Variants in COL12A1 observed in about 807,000 individuals in gnomAD.
COL12A1 encodes collagen alpha-1(XII) chain.
A neutral mutation model predicts 349.7 loss-of-function variants in COL12A1; 114 were observed. The observed-to-expected ratio is 0.33, with a 90% CI of 0.28 to 0.38. COL12A1 has a LOEUF of 0.38. Ranked by LOEUF, COL12A1 falls within the 10% of genes least tolerant of loss-of-function variation. The probability of loss-of-function intolerance (pLI) is 1.00; values close to 1 mark genes in which losing one functional copy is unlikely to be tolerated. For synonymous variants in COL12A1, 1,369 were observed against 1,329.0 expected (o/e 1.03, Z -0.66); for missense variants, 3,284 against 3,756.9 (o/e 0.87, Z 3.29).
chr6:75,192,306 T>C lies in COL12A1; in HGVS notation c.240A>G (p.Leu80=). 1.2e-6 allele frequency: 2 copies of C among 1,612,018 alleles called. No homozygotes were observed. Among genetic ancestry groups the C allele is most frequent in the African/African-American group, 1.3e-5 (1 of 74,958 alleles). The part of the protein sequence containing the change: ...FTLSASTTET[L]LSELVPETEY... ...CTGTTTCAGGTACAAGTTCTGACAA[T>C]AAAGTTTCAGTGGTACTAGCTGAAA... The change falls in exon 4 of 66, where the codon TTA becomes TTG. Residue 80 remains leucine, a synonymous_variant. Transcript: ENST00000322507.
At chr6:75,122,344 T>C (rs914383969) in intron 43 of COL12A1, among the ~76,000 whole-genome samples, 1 of 152,172 alleles carries the variant, frequency 6.6e-6, no homozygotes, top group African/African-American at 2.4e-5. Context: ...GGTGATGATG[T>C]GTCAATGTAG....
chr6:75,137,626 C>G (rs768069143), intron 30 of COL12A1, 47 bp from the exon 31 acceptor site: 1 of 1,606,240 alleles, frequency 6.2e-7, no homozygotes, highest in African/African-American at 1.3e-5. Flanking sequence ...AGAACAATGC[C>G]TCCCCCTAAA....
In COL12A1 at chr6:75,189,637, T is replaced by A. The variant is rs773884777; in HGVS notation, c.573A>T (p.Glu191Asp). The A allele has an allele frequency of 6.2e-7, 1 of 1,613,354 alleles. No individual in the cohort carries two copies. Among genetic ancestry groups the A allele is most frequent in the Non-Finnish European group, 8.5e-7 (1 of 1,179,452 alleles). Reference sequence around the variant, plus strand: ...TTTGGTAGTACTGATTTAAGTTAAATTCAGTCCTGGTATCAGAGCTGTATT... The same window carrying A: ...TTTGGTAGTACTGATTTAAGTTAAAATCAGTCCTGGTATCAGAGCTGTATT... Reference protein sequence around the residue: ...VVQYSSDTRTEFNLNQYYQRD... With the variant: ...VVQYSSDTRTDFNLNQYYQRD... The change falls in exon 6 of 66, where the codon GAA (glutamate) becomes GAT (aspartate). Residue 191 changes from glutamate to aspartate, a missense_variant. Glu to Asp is a conservative substitution (Grantham distance 45, BLOSUM62 2). Coordinates refer to ENST00000322507, the MANE Select transcript of COL12A1 (RefSeq NM_004370.6).
Position 75,115,935 on chromosome 6 carries a change from A to AAAGAAAATAT in COL12A1, c.7559-23_7559-14dup. The AAAGAAAATAT allele has an allele frequency of 6.2e-7, 1 of 1,611,924 alleles. No individual in the cohort carries two copies. Among genetic ancestry groups the AAAGAAAATAT allele is most frequent in the East Asian group, 2.2e-5 (1 of 44,860 alleles). On this transcript the variant is annotated splice_polypyrimidine_tract_variant and intron_variant, in intron 48 of 65. Transcript: ENST00000322507. ...AGCATTTTAAAACCTTTACATCAGA[A>AAAGAAAATAT]AAGAAAATATTAAACGGAGTACATT...
At position 75,192,543 on chromosome 6, in the gene COL12A1, G is replaced by A. The variant is rs561358463; in HGVS notation, c.191-188C>T. 9.9e-5 allele frequency among the ~76,000 whole-genome samples: 15 copies of A among 152,058 alleles called. 1 individual carries two copies. Among genetic ancestry groups the A allele is most frequent in the African/African-American group, 3.6e-4 (15 of 41,510 alleles). Reference sequence around the variant, plus strand: ...TTGAATTTTAGAAATTTAATAAATGGACTGGTATTGCTTTTATTTGTTACA... The same window carrying A: ...TTGAATTTTAGAAATTTAATAAATGAACTGGTATTGCTTTTATTTGTTACA... On this transcript the variant is annotated intron_variant, in intron 3 of 65. Coordinates refer to ENST00000322507, the MANE Select transcript of COL12A1 (RefSeq NM_004370.6).
chr6:75,100,887 T>C (rs923353794), intron 58 of COL12A1, among the ~76,000 whole-genome samples: 2 of 152,240 alleles, frequency 1.3e-5, no homozygotes, highest in Non-Finnish European at 2.9e-5. Context: ...GGAAAGTCAT[T>C]AGTTCCTTTG....
intron 1 of COL12A1, 48 bp from the exon 2 acceptor site, chr6:75,202,875 T>C (rs1242493416): frequency 2.3e-5 from 30 of 1,317,636 alleles, no homozygotes; most frequent in Non-Finnish European, 3.2e-5. Context: ...TGGGCAGGCC[T>C]TGAACCAGGT....
chr6:75,155,097 G>T (rs1299670459), intron 16 of COL12A1, among the ~76,000 whole-genome samples: 1 of 152,142 alleles, frequency 6.6e-6, no homozygotes, highest in Non-Finnish European at 1.5e-5. Flanking sequence ...TCTTTTTACT[G>T]TAATGAATGT....
rs146833858 is a variant in COL12A1, at chr6:75,162,835, T to C, written c.2983+2672A>G. On this transcript the variant is annotated intron_variant, in intron 14 of 65. Transcript: ENST00000322507. ...TACAAGAAAATATCAAACAACCCCA[T>C]GAAAAAGTTGGCAAAGGATATTAAT... 8.1e-3 allele frequency among the ~76,000 whole-genome samples: 1,225 copies of C among 152,144 alleles called. 15 individuals carry two copies. Among genetic ancestry groups the C allele is most frequent in the African/African-American group, 0.027 (1,132 of 41,510 alleles).
chr6:75,161,049 G>A (rs374402257), intron 14 of COL12A1, among the ~76,000 whole-genome samples: 10 of 152,138 alleles, frequency 6.6e-5, no homozygotes, highest in South Asian at 4.1e-4. Context: ...AGCTCAGGGC[G>A]AAAGGGAGAA....
chr6:75,102,815 A>C (rs1331781786), intron 55 of COL12A1, 123 bp from the exon 56 acceptor site: 3 of 481,762 alleles, frequency 6.2e-6, no homozygotes, highest in Admixed American at 4.4e-5. Flanking sequence ...TAAACTTTTA[A>C]GAATCTACAT....
At chr6:75,188,804 T>C (rs1471784700) in intron 7 of COL12A1, among the ~76,000 whole-genome samples, 1 of 152,182 alleles carries the variant, frequency 6.6e-6, no homozygotes. Flanking sequence ...TACCATCGTA[T>C]GTCTTTGCCA....
At chr6:75,147,549 C>A (rs926540168) in intron 23 of COL12A1, 126 bp downstream of exon 23, 9 of 940,030 alleles carry the variant, frequency 9.6e-6, no homozygotes, top group African/African-American at 1.7e-5. Context: ...ACAAAGATGA[C>A]ACTCAGTAAA....
chr6:75,196,132 A>T (rs912287916), intron 2 of COL12A1, among the ~76,000 whole-genome samples: 1 of 152,208 alleles, frequency 6.6e-6, no homozygotes, highest in African/African-American at 2.4e-5. Flanking sequence ...ATGCCTCATC[A>T]TGCAGCATTG....
At chr6:75,168,860 C>G (rs1768463721) in intron 13 of COL12A1, among the ~76,000 whole-genome samples, 1 of 152,148 alleles carries the variant, frequency 6.6e-6, no homozygotes, top group Non-Finnish European at 1.5e-5. Context: ...TGAAGGTAAA[C>G]TGGTCAAAAT....
At chr6:75,149,814 G>A (rs1767391714) in intron 21 of COL12A1, among the ~76,000 whole-genome samples, 2 of 151,962 alleles carry the variant, frequency 1.3e-5, no homozygotes, top group Admixed American at 1.3e-4. Context: ...TAGAATGAAT[G>A]CAACTATTAC....
rs534366560 is a variant in COL12A1, at chr6:75,131,313, A to G, written c.5938-332T>C. On this transcript the variant is annotated intron_variant, in intron 35 of 65. Transcript: ENST00000322507. ...GCATGTTAAATACACAAGAATAGGAACTCTTATTGTGGTGGGGGAGATTTT... is the reference window on the plus strand; with the variant it reads ...GCATGTTAAATACACAAGAATAGGAGCTCTTATTGTGGTGGGGGAGATTTT... Among the ~76,000 whole-genome samples the G allele has an allele frequency of 2.0e-5, 3 of 152,294 alleles. No individual in the cohort carries two copies. The South Asian group carries it at 6.2e-4, about 32-fold the overall frequency.
chr6:75,108,983 C>A lies in COL12A1; in HGVS notation c.8100+35G>T, dbSNP rs766439722. ...GAAAAATGCCATTTCAATCTTAACA[C>A]AAGGTACCAAGAGAAATAAAAATGT... On this transcript the variant is annotated intron_variant, in intron 52 of 65. Transcript: ENST00000322507. 1.9e-6 allele frequency: 3 copies of A among 1,583,830 alleles called. No individual in the cohort carries two copies. In the Admixed American group the frequency reaches 5.8e-5, roughly 31 times the overall value.
rs780752368 is a variant in COL12A1 at position 75,181,200 on chromosome 6, G to A, written c.1903C>T (p.Pro635Ser). The A allele has an allele frequency of 1.9e-6, 3 of 1,585,378 alleles. No homozygotes were observed. The South Asian group carries it at 3.4e-5, about 18-fold the overall frequency. The change falls in exon 11 of 66, where the codon CCA (proline) becomes TCA (serine). Residue 635 changes from proline to serine, a missense_variant. By Grantham distance (74) the Pro-to-Ser change is moderately conservative. Coordinates refer to ENST00000322507, the MANE Select transcript of COL12A1 (RefSeq NM_004370.6). Reference protein sequence around the residue: ...AAIKKKAYVPPKDLSFSEVTS... With the variant: ...AAIKKKAYVPSKDLSFSEVTS... Reference sequence around the variant, plus strand: ...ACTTCTGAAAAACTAAGATCCTTTGGAGGGACGTAAGCTATTTAAAAAAAA... The same window carrying A: ...ACTTCTGAAAAACTAAGATCCTTTGAAGGGACGTAAGCTATTTAAAAAAAA...
Sources: gnomAD v4.1 joint callset for allele counts (sites outside exome capture counted in the v4.1 genomes callset) on GRCh38, gnomAD v4.1.1 for gene constraint, MANE v1.5 for transcripts, NCBI Gene and HGNC (gene_info 2026-07-23, HGNC 2026-07-21) for gene names.